Variants in PCMTD1 observed in about 807,000 individuals in gnomAD.
The protein encoded by PCMTD1 is protein-L-isoaspartate (D-aspartate) O-methyltransferase domain containing 1, also known as protein-L-isoaspartate O-methyltransferase domain-containing protein 1.
PCMTD1 carries 12 observed loss-of-function variants against 37.6 expected under a neutral mutation model. The observed-to-expected ratio is 0.32, with a 90% CI of 0.20 to 0.52. PCMTD1 has a LOEUF of 0.52. Ranked by LOEUF, PCMTD1 falls within the 20% of genes least tolerant of loss-of-function variation. The pLI is 0.97. For missense variants in PCMTD1, 235 were observed against 421.3 expected (o/e 0.56, Z 3.87); for synonymous variants, 117 against 135.8 (o/e 0.86, Z 0.96).
At chr8:51,823,188 G>A (rs138714626) in intron 5 of PCMTD1, among the ~76,000 whole-genome samples, 3 of 152,294 alleles carry the variant, frequency 2.0e-5, no homozygotes, top group African/African-American at 7.2e-5. Context: ...TTTGGGCCAG[G>A]CACAATGGCT....
rs940935272 is a variant in PCMTD1, at chr8:51,840,567, A to C, written c.410+5094T>G. ...AATATTTTGGAATAATATTGAATAT[A>C]TAATGAATTATATATAGGAAAACTC... is the stretch of plus-strand genomic sequence containing the variant. On this transcript the variant is annotated intron_variant, in intron 3 of 5. Coordinates refer to ENST00000522514, the MANE Select transcript of PCMTD1 (RefSeq NM_052937.4). 2.0e-5 allele frequency among the ~76,000 whole-genome samples: 3 copies of C among 152,302 alleles called. No individual in the cohort carries two copies. In the East Asian group the frequency reaches 5.8e-4, roughly 29 times the overall value.
intron 2 of PCMTD1, among the ~76,000 whole-genome samples, chr8:51,856,324 A>T (rs1409865692): frequency 6.6e-6 from 1 of 152,236 alleles, no homozygotes; most frequent in East Asian, 1.9e-4. Flanking sequence ...ATACTACTTT[A>T]TATCCACTAA....
intron 1 of PCMTD1, among the ~76,000 whole-genome samples, chr8:51,879,484 G>A (rs2038761606): frequency 6.6e-6 from 1 of 152,076 alleles, no homozygotes; most frequent in Non-Finnish European, 1.5e-5. Flanking sequence ...AATCTGAGGT[G>A]GGCTATAGGA....
In PCMTD1 at chr8:51,820,569, T is replaced by C; in HGVS notation, c.856A>G (p.Asn286Asp). ...TGATTACCCACAAATACGTAAGTGT[T>C]AATTCTCTGTTTAACTCTCTTTCTT... The part of the protein sequence containing the change: ...RKRKRVKQRI[N>D]TYVFVGNQLI... Residue 286 changes from asparagine (N) to aspartate (D), a missense_variant, in exon 6 of 6, where the codon AAC (asparagine) becomes GAC (aspartate). Around this residue, in one of 3 missense-constraint regions of PCMTD1, gnomAD observed 183 missense variants for 349.3 expected, o/e 0.52. Transcript: ENST00000522514. 1.2e-6 allele frequency: 2 copies of C among 1,612,846 alleles called. No individual in the cohort carries two copies. The highest frequency in any genetic ancestry group is 1.1e-5 in the South Asian group (1 of 90,664).
intron 1 of PCMTD1, among the ~76,000 whole-genome samples, chr8:51,896,823 CAAG>C (rs2039007902): frequency 6.9e-6 from 1 of 144,990 alleles, no homozygotes; most frequent in African/African-American, 2.5e-5. Flanking sequence ...GGAGGTAAAA[CAAG>C]AGCAGAAAAC....
chr8:51,861,074 A>G lies in PCMTD1; in HGVS notation c.78T>C (p.Thr26=). The G allele has an allele frequency of 6.2e-7, 1 of 1,614,136 alleles. No individual in the cohort carries two copies. The highest frequency in any genetic ancestry group is 8.5e-7 in the Non-Finnish European group (1 of 1,180,004). ...DNLKEAQYIR[T]ERVEQAFRAI... is the part of the protein sequence containing the mutation. ...CTCTGAAGGCTTGCTCCACTCTTTCAGTACGAATATACTGAGCTTCTTTTA... is the reference window on the plus strand; with the variant it reads ...CTCTGAAGGCTTGCTCCACTCTTTCGGTACGAATATACTGAGCTTCTTTTA... The change falls in exon 2 of 6, where the codon ACT becomes ACC. Residue 26 remains threonine (T), a synonymous_variant. Coordinates refer to ENST00000522514, the MANE Select transcript of PCMTD1 (RefSeq NM_052937.4).
intron 2 of PCMTD1, among the ~76,000 whole-genome samples, chr8:51,846,227 A>C (rs566260322): frequency 6.6e-6 from 1 of 151,882 alleles, no homozygotes; most frequent in South Asian, 2.1e-4. Flanking sequence ...TTCCCACCCC[A>C]CTCCATGCCT....
chr8:51,823,398 G>A (rs1174046420), intron 5 of PCMTD1, among the ~76,000 whole-genome samples: 3 of 152,288 alleles, frequency 2.0e-5, no homozygotes, highest in South Asian at 2.1e-4. Context: ...TGGCTAGGTC[G>A]AGGCTGCACT....
At chr8:51,830,620 A>G (rs994121649) in intron 5 of PCMTD1, among the ~76,000 whole-genome samples, 9 of 152,006 alleles carry the variant, frequency 5.9e-5, no homozygotes, top group African/African-American at 1.7e-4. Context: ...TTTTTTTCCT[A>G]TGATAATCCA....
At chr8:51,848,951 T>C (rs1011041171) in intron 2 of PCMTD1, 4 of 152,138 alleles carry the variant, frequency 2.6e-5, no homozygotes, top group Non-Finnish European at 5.9e-5. Flanking sequence ...AGAATTTAAA[T>C]AGCAATGTCA....
intron 3 of PCMTD1, among the ~76,000 whole-genome samples, chr8:51,838,257 CAGG>C: frequency 6.6e-6 from 1 of 152,136 alleles, no homozygotes; most frequent in Admixed American, 6.5e-5. Context: ...GAGGCCAAGG[CAGG>C]AGGATCACTT....
Position 51,817,938 on chromosome 8 carries a change from A to T in PCMTD1, c.*2413T>A. 2.2e-6 allele frequency: 1 copy of T among 456,808 alleles called. No individual in the cohort carries two copies. Among genetic ancestry groups the T allele is most frequent in the South Asian group, 1.5e-5 (1 of 64,576 alleles). The allele number at this position is 456,808 out of a possible 1,614,324, so 28.3% of individuals were successfully genotyped here. ...GTCTGTTTTCTCATCTGCAAAATAA[A>T]CACCCAAATTAGATGATACTTACTG... On this transcript the variant is annotated 3_prime_UTR_variant, in exon 6 of 6. Coordinates refer to ENST00000522514, the MANE Select transcript of PCMTD1 (RefSeq NM_052937.4).
At chr8:51,839,986 A>G (rs759898384) in intron 3 of PCMTD1, among the ~76,000 whole-genome samples, 1 of 152,214 alleles carries the variant, frequency 6.6e-6, no homozygotes, top group Non-Finnish European at 1.5e-5. Flanking sequence ...CTTGATCTCC[A>G]GATACACTGA....
intron 1 of PCMTD1, among the ~76,000 whole-genome samples, chr8:51,875,435 C>T (rs949179440): frequency 3.9e-5 from 6 of 152,200 alleles, no homozygotes; most frequent in African/African-American, 4.8e-5. Context: ...TAAAATTCTA[C>T]TGGTCACAAT....
chr8:51,861,888 T>C (rs1056211505), intron 1 of PCMTD1, among the ~76,000 whole-genome samples: 5 of 151,962 alleles, frequency 3.3e-5, no homozygotes, highest in African/African-American at 7.3e-5. Flanking sequence ...AATTTTTTTA[T>C]TTTTTTGTAG....
intron 1 of PCMTD1, among the ~76,000 whole-genome samples, chr8:51,888,972 CT>C (rs138155282): frequency 0.025 from 3,766 of 152,224 alleles, 160 homozygotes; most frequent in African/African-American, 0.085. Context: ...CTTCTCGTTT[CT>C]TTTTTGTGTG....
chr8:51,894,686 A>G (rs985399306), intron 1 of PCMTD1, among the ~76,000 whole-genome samples: 1 of 152,184 alleles, frequency 6.6e-6, no homozygotes, highest in African/African-American at 2.4e-5. Context: ...AGTATTCACA[A>G]TGAATGACAA....
At chr8:51,872,386 T>C (rs1395130373) in intron 1 of PCMTD1, among the ~76,000 whole-genome samples, 1 of 152,206 alleles carries the variant, frequency 6.6e-6, no homozygotes, top group Non-Finnish European at 1.5e-5. Context: ...CTTAGTATTA[T>C]CTGGATTTTT....
intron 3 of PCMTD1, chr8:51,844,757 A>T (rs1210158470): frequency 6.6e-6 from 1 of 152,238 alleles, no homozygotes; most frequent in African/African-American, 2.4e-5. Flanking sequence ...TTTCTAGAGA[A>T]AAGCCCTCAG....
Sources: allele counts gnomAD v4.1 joint callset (sites outside exome capture counted in the v4.1 genomes callset), GRCh38; gene constraint gnomAD v4.1.1; regional missense constraint gnomAD v4.1.1; transcripts MANE v1.5; gene names NCBI Gene and HGNC (gene_info 2026-07-23, HGNC 2026-07-21).